Variants in MYO3B observed in about 807,000 individuals in gnomAD.
MYO3B encodes myosin IIIB, also known as myosin-IIIb.
MYO3B carries 156 observed loss-of-function variants against 174.6 expected under a neutral mutation model. That is an observed-to-expected ratio of 0.89 (90% confidence interval 0.78 to 1.02). The LOEUF is 1.02. MYO3B is among the 50% of genes least tolerant of loss of function. The pLI is 0.00. For synonymous variants in MYO3B, 563 were observed against 569.1 expected (o/e 0.99, Z 0.15); for missense variants, 1,632 against 1,639.4 (o/e 1.00, Z 0.08).
At chr2:170,361,239 C>G (rs1426738827) in intron 8 of MYO3B, among the ~76,000 whole-genome samples, 1 of 152,204 alleles carries the variant, frequency 6.6e-6, no homozygotes, top group Non-Finnish European at 1.5e-5. Context: ...GCCCTTTGAA[C>G]TAAAGGGTGG....
chr2:170,476,109 G>C (rs970324015), intron 25 of MYO3B, among the ~76,000 whole-genome samples: 12 of 152,018 alleles, frequency 7.9e-5, no homozygotes, highest in Admixed American at 5.2e-4. Flanking sequence ...GGTGTGGCTC[G>C]TCTGTTTGGT....
At chr2:170,472,699 A>ATTTT (rs1167981579) in intron 25 of MYO3B, among the ~76,000 whole-genome samples, 1 of 150,148 alleles carries the variant, frequency 6.7e-6, no homozygotes, top group Non-Finnish European at 1.5e-5. Context: ...TTATTTATTT[A>ATTTT]TTTATTTATT....
intron 7 of MYO3B, 30 bp from the exon 8 acceptor site, chr2:170,335,352 TTTC>T: frequency 4.6e-6 from 7 of 1,538,054 alleles, no homozygotes; most frequent in Non-Finnish European, 6.2e-6. Context: ...GAAATTCTTC[TTTC>T]TTAAGAAAAA....
At chr2:170,446,408 A>G (rs2105918182) in intron 23 of MYO3B, among the ~76,000 whole-genome samples, 1 of 152,276 alleles carries the variant, frequency 6.6e-6, no homozygotes, top group Middle Eastern at 3.4e-3. Context: ...TAGTACCAGC[A>G]AAGTGTTGCC....
intron 32 of MYO3B, among the ~76,000 whole-genome samples, chr2:170,623,459 G>A (rs945183896): frequency 2.6e-5 from 4 of 152,264 alleles, no homozygotes; most frequent in South Asian, 2.1e-4. Flanking sequence ...GTTCTTTGTC[G>A]ATTCTGGATT....
chr2:170,521,964 C>T (rs769851959), intron 30 of MYO3B, among the ~76,000 whole-genome samples: 10 of 152,190 alleles, frequency 6.6e-5, no homozygotes, highest in Non-Finnish European at 1.2e-4. Flanking sequence ...ATGGGCCATG[C>T]GTGCTTTCCT....
chr2:170,564,456 G>A (rs1412206922), intron 32 of MYO3B, among the ~76,000 whole-genome samples: 1 of 152,154 alleles, frequency 6.6e-6, no homozygotes, highest in African/African-American at 2.4e-5. Context: ...CTGGGCAATG[G>A]AACGAGCCTC....
At chr2:170,386,126 T>A in intron 12 of MYO3B, 63 bp from the exon 13 acceptor site, 2 of 1,352,248 alleles carry the variant, frequency 1.5e-6, no homozygotes, top group Non-Finnish European at 1.1e-6. Context: ...GGATGTTATA[T>A]GAAGCATGCA....
chr2:170,298,095 T>C (rs1392122092), intron 7 of MYO3B, among the ~76,000 whole-genome samples: 1 of 152,228 alleles, frequency 6.6e-6, no homozygotes, highest in Non-Finnish European at 1.5e-5. Flanking sequence ...TTCCAGGGCC[T>C]GTTCTCTGGA....
rs370848624 is a variant in MYO3B at position 170,407,703 on chromosome 2, T to C, written c.2521-12T>C. 56 of 1,609,530 alleles carry C rather than the reference T, an allele frequency of 3.5e-5. No individual in the cohort carries two copies. The African/African-American group carries it at 7.0e-4, about 20-fold the overall frequency. On this transcript the variant is annotated splice_polypyrimidine_tract_variant and intron_variant, in intron 21 of 34. Coordinates refer to ENST00000408978, the MANE Select transcript of MYO3B (RefSeq NM_138995.5). ...GACTTGGCTAATTTGCCGTTTGCTA[T>C]TCATGTTACAGGTATTATATGATGC...
chr2:170,238,944 C>T (rs1013237466), intron 7 of MYO3B, among the ~76,000 whole-genome samples: 51 of 152,202 alleles, frequency 3.4e-4, no homozygotes, highest in Admixed American at 6.5e-5. Context: ...CTTTGAAATA[C>T]TGCGTGACTC....
At chr2:170,627,762 T>C (rs1252845954) in intron 32 of MYO3B, among the ~76,000 whole-genome samples, 4 of 151,780 alleles carry the variant, frequency 2.6e-5, no homozygotes, top group Non-Finnish European at 5.9e-5. Context: ...TAGTTTTCCT[T>C]CTAACAGTCA....
chr2:170,263,554 T>C (rs1171833724), intron 7 of MYO3B, among the ~76,000 whole-genome samples: 3 of 152,074 alleles, frequency 2.0e-5, no homozygotes, highest in Non-Finnish European at 4.4e-5. Flanking sequence ...TGTGAACATA[T>C]GTCTCTGTGT....
chr2:170,448,441 C>A lies in MYO3B; in HGVS notation c.2730+4395C>A, dbSNP rs1278034972. Among the ~76,000 whole-genome samples the A allele has an allele frequency of 4.6e-5, 7 of 152,326 alleles. No homozygotes were observed. In the East Asian group the frequency reaches 1.3e-3, roughly 29 times the overall value. On this transcript the variant is annotated intron_variant, in intron 23 of 34. Coordinates refer to ENST00000408978, the MANE Select transcript of MYO3B (RefSeq NM_138995.5). ...GGAAAAAGGATGAAGACCACTCTAA[C>A]ATCTTCCTGCTGAACAGGGGGCATA...
chr2:170,470,453 G>A (rs1684918304), intron 25 of MYO3B, among the ~76,000 whole-genome samples: 1 of 152,032 alleles, frequency 6.6e-6, no homozygotes, highest in Non-Finnish European at 1.5e-5. Context: ...TTTTGTAGAT[G>A]AATAATATCC....
Position 170,634,248 on chromosome 2 carries a change from T to C in MYO3B, c.3734-17380T>C, listed in dbSNP as rs539163539. On this transcript the variant is annotated intron_variant, in intron 32 of 34. Transcript: ENST00000408978. ...CAAGGCTACAGTAACCAAAACAGCA[T>C]GGTACTGGTACCAAAACAGAGATAT... Among the ~76,000 whole-genome samples the C allele has an allele frequency of 7.7e-3, 1,171 of 152,274 alleles. 20 individuals carry two copies. Among genetic ancestry groups the C allele is most frequent in the African/African-American group, 0.026 (1,100 of 41,564 alleles).
chr2:170,547,240 G>A (rs1690567910), intron 32 of MYO3B, among the ~76,000 whole-genome samples: 1 of 151,412 alleles, frequency 6.6e-6, no homozygotes, highest in Non-Finnish European at 1.5e-5. Context: ...TGAGGCGGGA[G>A]AATGGCGTGA....
In MYO3B at chr2:170,652,043, C is replaced by G. The variant is rs1042167238; in HGVS notation, c.3841-65C>G. On this transcript the variant is annotated intron_variant, in intron 33 of 34. Transcript: ENST00000408978. ...TCTGCTTGCATTCAACACAAAATCA[C>G]TTTGAATTAAAAATTAACGACTTGC... 3.9e-6 allele frequency: 6 copies of G among 1,530,490 alleles called. No individual in the cohort carries two copies. The African/African-American group carries it at 8.3e-5, about 21-fold the overall frequency. The allele number at this position is 1,530,490 out of a possible 1,614,324, so 94.8% of individuals were successfully genotyped here. A position where few individuals can be genotyped will look rare whatever the true frequency, so the allele number is the denominator to read the frequency against.
intron 3 of MYO3B, among the ~76,000 whole-genome samples, chr2:170,211,164 G>A (rs2092765976): frequency 6.6e-6 from 1 of 152,130 alleles, no homozygotes; most frequent in Non-Finnish European, 1.5e-5. Context: ...TTTTCCCAAG[G>A]AGTCCCATGG....
Sources: gnomAD v4.1 joint callset for allele counts (sites outside exome capture counted in the v4.1 genomes callset) on GRCh38, gnomAD v4.1.1 for gene constraint, MANE v1.5 for transcripts, NCBI Gene and HGNC (gene_info 2026-07-23, HGNC 2026-07-21) for gene names.